PPP1R12B: variants seen among roughly 807,000 people sequenced by gnomAD.
The protein encoded by PPP1R12B is protein phosphatase 1 regulatory subunit 12B, also known as myosin phosphatase target subunit 2.
In PPP1R12B, 76 loss-of-function variants were observed where a neutral mutation model predicts 126.1. That is an observed-to-expected ratio of 0.60 (90% confidence interval 0.50 to 0.73). PPP1R12B has a LOEUF of 0.73. Ranked by LOEUF, PPP1R12B falls within the 30% of genes least tolerant of loss-of-function variation. The probability of loss-of-function intolerance (pLI) is 0.00; values close to 1 mark genes in which losing one functional copy is unlikely to be tolerated. For synonymous variants in PPP1R12B, 356 were observed against 434.7 expected (o/e 0.82, Z 2.25); for missense variants, 1,052 against 1,205.1 (o/e 0.87, Z 1.88).
intron 1 of PPP1R12B, among the ~76,000 whole-genome samples, chr1:202,355,471 G>A (rs970930329): frequency 1.3e-5 from 2 of 152,154 alleles, no homozygotes; most frequent in African/African-American, 4.8e-5. Context: ...GAGCAGCATG[G>A]GCGAATAAAT....
Position 202,564,565 on chromosome 1 carries a change from G to GA in PPP1R12B, c.2757+24dup, listed in dbSNP as rs1283204355. The GA allele has an allele frequency of 4.5e-6, 7 of 1,572,094 alleles. No homozygotes were observed. The highest frequency in any genetic ancestry group is 6.1e-6 in the Non-Finnish European group (7 of 1,147,524). On this transcript the variant is annotated intron_variant, in intron 21 of 23. Transcript: ENST00000608999. ...TGGCCCAGGTAAGACGGAAGAAGAA[G>GA]AAAAAAGATGAGAACCAAGGGTTGA...
chr1:202,447,481 A>G (rs1043635745), intron 12 of PPP1R12B, among the ~76,000 whole-genome samples: 13 of 152,192 alleles, frequency 8.5e-5, no homozygotes, highest in African/African-American at 3.1e-4. Context: ...TTAAGGTGCC[A>G]CTATCTCTAT....
intron 13 of PPP1R12B, among the ~76,000 whole-genome samples, chr1:202,471,136 T>A (rs1675815702): frequency 1.3e-5 from 2 of 152,164 alleles, no homozygotes; most frequent in Non-Finnish European, 2.9e-5. Context: ...TTATCACTAT[T>A]ATTTTTCATT....
At chr1:202,474,936 G>A (rs998215910) in intron 13 of PPP1R12B, among the ~76,000 whole-genome samples, 1 of 152,154 alleles carries the variant, frequency 6.6e-6, no homozygotes, top group East Asian at 1.9e-4. Context: ...GCCAGACTGA[G>A]AATAGACATT....
chr1:202,576,374 A>T (rs1689092226), intron 23 of PPP1R12B: 1 of 152,244 alleles, frequency 6.6e-6, no homozygotes, highest in Admixed American at 6.5e-5. Flanking sequence ...ATTAGTCCTG[A>T]CCAGAGCCTG....
rs1294146109 is a variant in PPP1R12B, at chr1:202,449,129, T to C, written c.1808T>C (p.Ile603Thr). 6.2e-7 allele frequency: 1 copy of C among 1,613,222 alleles called. No homozygotes were observed. Among genetic ancestry groups the C allele is most frequent in the Non-Finnish European group, 8.5e-7 (1 of 1,179,500 alleles). The part of the protein sequence containing the change: ...NGVTATPVLS[I>T]TGTDSSVEAR... ...GTTACAGCTACTCCTGTGCTCTCCA[T>C]TACTGGAACAGATTCCTCTGTGGAA... The change falls in exon 13 of 24, where the codon ATT becomes ACT. Residue 603 changes from isoleucine (I) to threonine (T), a missense_variant. Transcript: ENST00000608999.
chr1:202,374,493 C>CTTTTTT lies in PPP1R12B; in HGVS notation c.291+25368_291+25373dup, dbSNP rs1160730172. ...TCCATCTGCTTTCATTTGTCTCTCT[C>CTTTTTT]TTTTTTTTTTTTTTTTTTTTTTGAG... On this transcript the variant is annotated intron_variant, in intron 1 of 23. Transcript: ENST00000608999. Among the ~76,000 whole-genome samples the CTTTTTT allele has an allele frequency of 2.1e-3, 186 of 89,488 alleles. 3 individuals carry two copies. The highest frequency in any genetic ancestry group is 3.7e-3 in the African/African-American group (85 of 22,928). The allele number at this position is 89,488 out of a possible 152,430, so 58.7% of individuals were successfully genotyped here.
chr1:202,384,469 A>G (rs1479912957), intron 1 of PPP1R12B, among the ~76,000 whole-genome samples: 3 of 152,256 alleles, frequency 2.0e-5, no homozygotes, highest in African/African-American at 7.2e-5. Context: ...TACATATTAT[A>G]TGATTTCACT....
intron 14 of PPP1R12B, among the ~76,000 whole-genome samples, chr1:202,492,447 G>A (rs1235298538): frequency 2.6e-5 from 4 of 152,132 alleles, no homozygotes; most frequent in Admixed American, 1.3e-4. Context: ...ATAACTACTT[G>A]AGTTGGAATC....
At chr1:202,556,138 G>A (rs574098136) in intron 18 of PPP1R12B, among the ~76,000 whole-genome samples, 1 of 152,224 alleles carries the variant, frequency 6.6e-6, no homozygotes, top group Admixed American at 6.5e-5. Context: ...AGCCTCCCAA[G>A]CTGCTGGTAT....
intron 5 of PPP1R12B, among the ~76,000 whole-genome samples, chr1:202,428,257 T>C (rs1669800876): frequency 6.6e-6 from 1 of 152,206 alleles, no homozygotes. Context: ...TGTGAGCCAC[T>C]GTGCCCAGCC....
chr1:202,550,842 A>G (rs934942657), intron 18 of PPP1R12B, among the ~76,000 whole-genome samples: 1 of 152,254 alleles, frequency 6.6e-6, no homozygotes, highest in Admixed American at 6.5e-5. Flanking sequence ...TTATACATAT[A>G]AAATGGCTTG....
chr1:202,354,760 G>A (rs1451425436), intron 1 of PPP1R12B, among the ~76,000 whole-genome samples: 5 of 150,802 alleles, frequency 3.3e-5, no homozygotes, highest in Non-Finnish European at 7.4e-5. Context: ...CAATTCTCCT[G>A]CCGTAGCCTC....
intron 18 of PPP1R12B, chr1:202,558,655 T>C: frequency 2.1e-6 from 1 of 480,750 alleles, no homozygotes; most frequent in Non-Finnish European, 3.7e-6. Context: ...TCAAATCTAG[T>C]GAATCATGGC....
At chr1:202,364,696 C>T (rs1658850854) in intron 1 of PPP1R12B, among the ~76,000 whole-genome samples, 1 of 152,138 alleles carries the variant, frequency 6.6e-6, no homozygotes, top group South Asian at 2.1e-4. Flanking sequence ...CCTGTTTCAG[C>T]CTCCCGAGTA....
intron 13 of PPP1R12B, among the ~76,000 whole-genome samples, chr1:202,471,575 G>GTTTT (rs71142533): frequency 6.2e-5 from 7 of 113,660 alleles, no homozygotes; most frequent in Admixed American, 1.8e-4. Context: ...GACTTAAAAT[G>GTTTT]TTTTTTTTTT....
intron 14 of PPP1R12B, among the ~76,000 whole-genome samples, chr1:202,489,276 T>C (rs1678560388): frequency 6.6e-6 from 1 of 152,198 alleles, no homozygotes; most frequent in South Asian, 2.1e-4. Context: ...CATCCCTATA[T>C]CCCTACTACA....
chr1:202,451,591 C>T (rs1485865556), intron 13 of PPP1R12B, among the ~76,000 whole-genome samples: 1 of 151,998 alleles, frequency 6.6e-6, no homozygotes, highest in Non-Finnish European at 1.5e-5. Flanking sequence ...GACACGGCAA[C>T]CATCCGATTT....
chr1:202,431,494 T>C lies in PPP1R12B; in HGVS notation c.1016T>C (p.Leu339Pro). ...CTTTAATTTAGCAAAGAGAAGATGCTCTATGAGGAGGAGACACCTAAGTCC... is the reference window on the plus strand; with the variant it reads ...CTTTAATTTAGCAAAGAGAAGATGCCCTATGAGGAGGAGACACCTAAGTCC... The part of the protein sequence containing the change: ...SGFFKNKEKM[L>P]YEEETPKSQE... Residue 339 changes from leucine (L) to proline (P), a missense_variant, in exon 8 of 24, where the codon CTC becomes CCC. By Grantham distance (98) the Leu-to-Pro change is moderately conservative. Transcript: ENST00000608999. The C allele has an allele frequency of 6.2e-7, 1 of 1,603,304 alleles. No homozygotes were observed. Among genetic ancestry groups the C allele is most frequent in the Non-Finnish European group, 8.5e-7 (1 of 1,176,802 alleles).
Sources: allele counts gnomAD v4.1 joint callset (sites outside exome capture counted in the v4.1 genomes callset), GRCh38; gene constraint gnomAD v4.1.1; transcripts MANE v1.5; gene names NCBI Gene and HGNC (gene_info 2026-07-23, HGNC 2026-07-21).